TAF1: variants seen among roughly 807,000 people sequenced by gnomAD.
TAF1 encodes TATA-box binding protein associated factor 1, also known as transcription initiation factor TFIID subunit 1.
Under a neutral mutation model 138.5 loss-of-function variants are expected in TAF1, and 2 were observed. The ratio of observed to expected loss-of-function variants is 0.01; its 90% CI spans 0.01 to 0.05. TAF1 has a LOEUF of 0.05. Among genes scored for constraint, TAF1 ranks in the 10% least tolerant of loss-of-function variants. The pLI is 1.00. For missense variants in TAF1, 709 were observed against 1,478.0 expected, an observed-to-expected ratio of 0.48 and a Z score of 8.53; for synonymous variants, 437 against 503.2, an observed-to-expected ratio of 0.87 and a Z score of 1.76.
chrX:71,442,385 G>A (rs1051404783), intron 32 of TAF1, among the ~76,000 whole-genome samples: 3 of 112,263 alleles, frequency 2.7e-5, no homozygotes, highest in Non-Finnish European at 3.8e-5. Flanking sequence ...GTATCTCATT[G>A]TGGTTTTGAT....
At chrX:71,377,917 A>G (rs1174837876) in intron 6 of TAF1, 96 bp downstream of exon 6, 2 of 936,081 alleles carry the variant, frequency 2.1e-6, no homozygotes, top group Admixed American at 3.9e-5. Flanking sequence ...AAATAATACC[A>G]TAGCAGATAG....
intron 15 of TAF1, 46 bp from the exon 16 acceptor site, chrX:71,388,191 T>C: frequency 1.7e-6 from 2 of 1,204,021 alleles, no homozygotes; most frequent in Non-Finnish European, 2.2e-6. Context: ...GTGAGGACTT[T>C]TATCCTTTTC....
At chrX:71,468,872 C>A (rs1191929575), downstream of TAF1, among the ~76,000 whole-genome samples, 2 of 108,517 alleles carry the variant, frequency 1.8e-5, no homozygotes, top group African/African-American at 6.7e-5. Context: ...AGCCTATGGT[C>A]CCAGCTACTT....
chrX:71,375,395 C>T, intron 4 of TAF1, 109 bp downstream of exon 4: 2 of 992,647 alleles, frequency 2.0e-6, no homozygotes, highest in Non-Finnish European at 2.6e-6. Flanking sequence ...AGGGACAAAA[C>T]TTCTAGAAAT....
chrX:71,411,973 C>G (rs1353316709), intron 28 of TAF1, among the ~76,000 whole-genome samples: 2 of 111,498 alleles, frequency 1.8e-5, no homozygotes, highest in Non-Finnish European at 3.8e-5. Flanking sequence ...TTGGGCTGGT[C>G]TTGAACTCCC....
At chrX:71,528,124 G>C (rs1569419694) in intron 13 of TAF1, 1 of 203,175 alleles carries the variant, frequency 4.9e-6, no homozygotes, top group Non-Finnish European at 9.3e-6. Context: ...TTCAATTCTA[G>C]TGTGAAGTGT....
At chrX:71,449,404 A>G (rs2037852622) in intron 32 of TAF1, among the ~76,000 whole-genome samples, 1 of 112,977 alleles carries the variant, frequency 8.9e-6, no homozygotes, top group African/African-American at 3.2e-5. Flanking sequence ...GATTACAGGC[A>G]TGAGCCACTG....
intron 32 of TAF1, among the ~76,000 whole-genome samples, chrX:71,428,478 A>G (rs2036711730): frequency 8.9e-6 from 1 of 111,909 alleles, no homozygotes; most frequent in Non-Finnish European, 1.9e-5. Context: ...CTTTGAGCAA[A>G]TAACTTAGTC....
intron 32 of TAF1, among the ~76,000 whole-genome samples, chrX:71,444,886 A>C (rs2037612984): frequency 9.1e-6 from 1 of 109,851 alleles, no homozygotes; most frequent in Non-Finnish European, 1.9e-5. Context: ...GTTGCCCGCC[A>C]CCACACCCGG....
In TAF1 at chrX:71,420,494, G is replaced by C. The variant is rs878902833; in HGVS notation, c.4385-815G>C. The C allele has an allele frequency of 2.1e-5, 25 of 1,200,167 alleles. No homozygotes were observed. In the South Asian group the frequency reaches 3.7e-4, roughly 18 times the overall value. ...TGCCAACATAGATGGAACGGGCATC[G>C]GCCTCCATCTTCTCCTCAATGACAT... On this transcript the variant is annotated intron_variant, in intron 28 of 37. Transcript: ENST00000423759.
At position 71,383,181 on chromosome X, in the gene TAF1, G is replaced by A. The variant is rs1296518923; in HGVS notation, c.1947+17G>A. 9 of 1,200,515 alleles carry A rather than the reference G, an allele frequency of 7.5e-6. No individual in the cohort carries two copies. Among genetic ancestry groups the A allele is most frequent in the Non-Finnish European group, 3.4e-6 (3 of 890,039 alleles). On this transcript the variant is annotated intron_variant, in intron 12 of 37. Coordinates refer to ENST00000423759, the MANE Select transcript of TAF1 (RefSeq NM_004606.5). ...AAGGCCAAGGTATAATTGAATTCTGGTTAGAAAACAGCTATAAAGGATATT... is the reference window on the plus strand; with the variant it reads ...AAGGCCAAGGTATAATTGAATTCTGATTAGAAAACAGCTATAAAGGATATT...
At chrX:71,380,773 A>C (rs760455288) in intron 8 of TAF1, among the ~76,000 whole-genome samples, 1 of 111,283 alleles carries the variant, frequency 9.0e-6, no homozygotes, top group African/African-American at 3.3e-5. Flanking sequence ...TCACTGCAAC[A>C]TCTGCCTCCC....
chrX:71,392,694 T>G lies in TAF1; in HGVS notation c.2907T>G (p.Ile969Met). 8.3e-7 allele frequency: 1 copy of G among 1,202,641 alleles called. No homozygotes were observed. Among genetic ancestry groups the G allele is most frequent in the Non-Finnish European group, 1.1e-6 (1 of 892,555 alleles). The change falls in exon 19 of 38, where the codon ATT (isoleucine) becomes ATG (methionine). Residue 969 changes from isoleucine (I) to methionine (M), a missense_variant. Ile to Met is a conservative substitution (Grantham distance 10, BLOSUM62 1). Coordinates refer to ENST00000423759, the MANE Select transcript of TAF1 (RefSeq NM_004606.5). ...GTGAAGGATTCTCCTATGTGAAGAT[T>G]CCAAACAAACCAACACAGCAGAAGG... ...GCGEGFSYVK[I>M]PNKPTQQKDD... is the part of the protein sequence containing the mutation.
intron 13 of TAF1, chrX:71,527,864 G>A: frequency 6.5e-6 from 1 of 153,633 alleles, no homozygotes; most frequent in African/African-American, 3.1e-5. Flanking sequence ...GGCAAAGGCA[G>A]TTTTTGAAAT....
intron 28 of TAF1, among the ~76,000 whole-genome samples, chrX:71,410,229 A>G (rs1156351758): frequency 9.1e-6 from 1 of 110,458 alleles, no homozygotes; most frequent in Non-Finnish European, 1.9e-5. Context: ...AATCTTTAAA[A>G]TGGATACTGT....
At chrX:71,467,697 T>C (rs1007504078), downstream of TAF1, among the ~76,000 whole-genome samples, 1 of 111,747 alleles carries the variant, frequency 8.9e-6, no homozygotes, top group African/African-American at 3.3e-5. Flanking sequence ...CACAATAACC[T>C]TGAGGGTAGG....
intron 32 of TAF1, among the ~76,000 whole-genome samples, chrX:71,450,121 G>A (rs1253206859): frequency 8.9e-6 from 1 of 111,788 alleles, no homozygotes; most frequent in Non-Finnish European, 1.9e-5. Flanking sequence ...TTTGGCACAG[G>A]CAGTTTCTGT....
At chrX:71,419,334 T>C (rs2036205287) in intron 28 of TAF1, among the ~76,000 whole-genome samples, 1 of 108,470 alleles carries the variant, frequency 9.2e-6, no homozygotes, top group Non-Finnish European at 1.9e-5. Flanking sequence ...ACCTCCCTGT[T>C]CCCACTTCCT....
At chrX:71,474,007 T>C (rs377131386) in intron 13 of TAF1, among the ~76,000 whole-genome samples, 17 of 110,753 alleles carry the variant, frequency 1.5e-4, no homozygotes, top group East Asian at 8.5e-4. Flanking sequence ...TAGCTGGGCG[T>C]GGTGTCGGGC....
Sources: gnomAD v4.1 joint callset for allele counts (sites outside exome capture counted in the v4.1 genomes callset) on GRCh38, gnomAD v4.1.1 for gene constraint, MANE v1.5 for transcripts, NCBI Gene and HGNC (gene_info 2026-07-23, HGNC 2026-07-21) for gene names.